The following ZNF551 variants were observed in gnomAD, a reference collection of about 807,000 sequenced individuals.
ZNF551 encodes KOX 23 protein (56 AA).
In ZNF551, 5 loss-of-function variants were observed where a neutral mutation model predicts 7.9. The ratio of observed to expected loss-of-function variants is 0.63; its 90% CI spans 0.33 to 1.33. ZNF551 has a LOEUF of 1.33. Among genes scored for constraint, ZNF551 ranks in the 40% most tolerant of loss-of-function variants. ZNF551 has a pLI of 0.05. For synonymous variants in ZNF551, 287 were observed against 277.3 expected (o/e 1.03, Z -0.35); for missense variants, 788 against 825.2 (o/e 0.95, Z 0.55).
In ZNF551 at chr19:57,689,230, A is replaced by G. The variant is rs1476056819; in HGVS notation, c.*942A>G. On this transcript the variant is annotated 3_prime_UTR_variant, in exon 3 of 3. Transcript: ENST00000282296. ...ATAATTCCTAGCACTGGTGAGGGGA[A>G]TCTGTTGCCCAGGTCCTGCAAAGGA... 2 of 152,200 alleles carry G rather than the reference A, an allele frequency of 1.3e-5. No individual in the cohort carries two copies. Among genetic ancestry groups the G allele is most frequent in the Non-Finnish European group, 2.9e-5 (2 of 68,050 alleles). The allele number at this position is 152,200 out of a possible 1,614,324, so 9.4% of individuals were successfully genotyped here.
chr19:57,686,430 C>T, intron 2 of ZNF551, 51 bp from the exon 3 acceptor site: 1 of 1,577,818 alleles, frequency 6.3e-7, no homozygotes, highest in Non-Finnish European at 8.6e-7. Flanking sequence ...ATACATCTTT[C>T]TCCTTCCATG....
chr19:57,683,183 G>C (rs1049796213), intron 1 of ZNF551, among the ~76,000 whole-genome samples: 6 of 152,186 alleles, frequency 3.9e-5, no homozygotes, highest in Admixed American at 1.3e-4. Flanking sequence ...GGATGAGGTG[G>C]GGAGACCTGG....
In ZNF551 at chr19:57,682,155, T is replaced by G. The variant is rs911658188; in HGVS notation, c.-9T>G. ...GCGCCAGGCCCGGGATAGGGACTGT[T>G]GTGTTCGAATGCCCGCCCCGGTCGG... is the stretch of plus-strand genomic sequence containing the variant. On this transcript the variant is annotated 5_prime_UTR_variant, in exon 1 of 3. Transcript: ENST00000282296. The G allele has an allele frequency of 1.0e-5, 16 of 1,547,776 alleles. No homozygotes were observed. The African/African-American group carries it at 2.1e-4, about 20-fold the overall frequency.
At position 57,690,174 on chromosome 19, in the gene ZNF551, A is replaced by G. The variant is rs1984717454; in HGVS notation, c.*1886A>G. The G allele has an allele frequency of 6.6e-6, 1 of 152,214 alleles. No homozygotes were observed. The highest frequency in any genetic ancestry group is 2.4e-5 in the African/African-American group (1 of 41,454). The allele number at this position is 152,214 out of a possible 1,614,324, so 9.4% of individuals were successfully genotyped here. A position where few individuals can be genotyped will look rare whatever the true frequency, so the allele number is the denominator to read the frequency against. On this transcript the variant is annotated 3_prime_UTR_variant, in exon 3 of 3. Transcript: ENST00000282296. The stretch of plus-strand genomic sequence containing the variant: ...CTAATTTGTATAACTGACATGCAAC[A>G]AAGTACACGTATCCAAAGTGTACAG...
At chr19:57,682,323 G>T (rs962679975) in intron 1 of ZNF551, 79 bp downstream of exon 1, 6 of 1,446,364 alleles carry the variant, frequency 4.1e-6, no homozygotes, top group Non-Finnish European at 5.6e-6. Flanking sequence ...CCTGCTCACA[G>T]CCCTGCAGCC....
chr19:57,686,325 A>G (rs1984551129), intron 2 of ZNF551, among the ~76,000 whole-genome samples, 156 bp from the exon 3 acceptor site: 1 of 152,180 alleles, frequency 6.6e-6, no homozygotes, highest in Admixed American at 6.5e-5. Context: ...AAATCTTAAA[A>G]AACCCAGTAC....
chr19:57,689,651 T>G lies in ZNF551; in HGVS notation c.*1363T>G, dbSNP rs969855863. On this transcript the variant is annotated 3_prime_UTR_variant, in exon 3 of 3. Coordinates refer to ENST00000282296, the MANE Select transcript of ZNF551 (RefSeq NM_138347.5). ...CCATGTCTACTAAAATACAAAAAATTAGCCAGGCGTGGCAGCATGCGCCTA... is the reference window on the plus strand; with the variant it reads ...CCATGTCTACTAAAATACAAAAAATGAGCCAGGCGTGGCAGCATGCGCCTA... 1 of 152,036 alleles carries G rather than the reference T, an allele frequency of 6.6e-6. No individual in the cohort carries two copies. Among genetic ancestry groups the G allele is most frequent in the Admixed American group, 6.6e-5 (1 of 15,250 alleles). The allele number at this position is 152,036 out of a possible 1,614,324, so 9.4% of individuals were successfully genotyped here. A position where few individuals can be genotyped will look rare whatever the true frequency, so the allele number is the denominator to read the frequency against.
intron 2 of ZNF551, 34 bp downstream of exon 2, chr19:57,685,419 T>C: frequency 1.2e-6 from 2 of 1,613,762 alleles, no homozygotes; most frequent in Non-Finnish European, 1.7e-6. Flanking sequence ...GTGTCTGCTT[T>C]TCTTTTTGAC....
At position 57,688,098 on chromosome 19, in the gene ZNF551, G is replaced by A; in HGVS notation, c.1823G>A (p.Gly608Asp). 6.2e-7 allele frequency: 1 copy of A among 1,609,918 alleles called. No individual in the cohort carries two copies. Residue 608 changes from glycine (G) to aspartate (D), a missense_variant, in exon 3 of 3, where the codon GGT becomes GAT. Coordinates refer to ENST00000282296, the MANE Select transcript of ZNF551 (RefSeq NM_138347.5). ...QSSSLIQHQR[G>D]HTGERPYECS... is the part of the protein sequence containing the mutation. ...TCTAGCCTCATTCAACACCAGAGAG[G>A]TCACACTGGAGAAAGACCTTATGAG... is the stretch of plus-strand genomic sequence containing the variant.
Position 57,688,192 on chromosome 19 carries a change from A to C in ZNF551, c.1917A>C (p.Gly639=). ...DLIQHQRVHT[G]ERPYECSECG... is the part of the protein sequence containing the mutation. ...TTCAGCACCAAAGAGTTCACACTGG[A>C]GAAAGGCCTTATGAATGCAGTGAAT... The change falls in exon 3 of 3, where the codon GGA becomes GGC. Residue 639 remains glycine, a synonymous_variant. Coordinates refer to ENST00000282296, the MANE Select transcript of ZNF551 (RefSeq NM_138347.5). 6.2e-7 allele frequency: 1 copy of C among 1,614,204 alleles called. No individual in the cohort carries two copies. The highest frequency in any genetic ancestry group is 8.5e-7 in the Non-Finnish European group (1 of 1,180,030).
chr19:57,682,363 C>T (rs982101393), intron 1 of ZNF551, 119 bp downstream of exon 1: 3 of 1,117,420 alleles, frequency 2.7e-6, no homozygotes, highest in Non-Finnish European at 3.7e-6. Flanking sequence ...CAAGAAGGCG[C>T]TTGTGGATTG....
intron 1 of ZNF551, among the ~76,000 whole-genome samples, chr19:57,684,836 A>G (rs1984502559): frequency 6.6e-6 from 1 of 152,048 alleles, no homozygotes; most frequent in Admixed American, 6.5e-5. Flanking sequence ...ATGAGAAGAG[A>G]GAGAATAAAC....
In ZNF551 at chr19:57,682,252, G is replaced by A; in HGVS notation, c.81+8G>A. 6.5e-7 allele frequency: 1 copy of A among 1,549,766 alleles called. No homozygotes were observed. Among genetic ancestry groups the A allele is most frequent in the Non-Finnish European group, 8.7e-7 (1 of 1,146,410 alleles). On this transcript the variant is annotated splice_region_variant and intron_variant, in intron 1 of 2. Transcript: ENST00000282296. ...CTGAGGGACTCGGCTCAGGTGAGTT[G>A]TGCGTCCTCCGGGTCTCGCCTACCT...
rs988888575 is a variant in ZNF551, at chr19:57,687,578, A to G, written c.1303A>G (p.Ile435Val). 6.2e-7 allele frequency: 1 copy of G among 1,614,122 alleles called. No individual in the cohort carries two copies. Among genetic ancestry groups the G allele is most frequent in the Non-Finnish European group, 8.5e-7 (1 of 1,180,044 alleles). ...ATCTTTTAGCTGCAAATCGGAACTC[A>G]TTCAACACCAGAGAATTCACAGTGG... ...GKSFSCKSEL[I>V]QHQRIHSGER... is the part of the protein sequence containing the mutation. The change falls in exon 3 of 3, where the codon ATT becomes GTT. Residue 435 changes from isoleucine to valine, a missense_variant. Physicochemically the swap from Ile to Val is conservative, Grantham distance 29 (BLOSUM62 3). Transcript: ENST00000282296.
intron 1 of ZNF551, among the ~76,000 whole-genome samples, chr19:57,684,998 C>A (rs1019101831): frequency 4.6e-5 from 7 of 152,164 alleles, no homozygotes; most frequent in Non-Finnish European, 1.0e-4. Context: ...AGTTCTCTCT[C>A]TAGCTGGTGT....
In ZNF551 at chr19:57,682,106, C is replaced by T; in HGVS notation, c.-58C>T. On this transcript the variant is annotated 5_prime_UTR_variant, in exon 1 of 3. Transcript: ENST00000282296. Reference sequence around the variant, plus strand: ...AAGTCGCGAAAGTGGGCCAGAGGTTCTGCGACACCACCTCGGGTGAGCTGC... The same window carrying T: ...AAGTCGCGAAAGTGGGCCAGAGGTTTTGCGACACCACCTCGGGTGAGCTGC... 1 of 1,513,038 alleles carries T rather than the reference C, an allele frequency of 6.6e-7. No individual in the cohort carries two copies. The highest frequency in any genetic ancestry group is 8.9e-7 in the Non-Finnish European group (1 of 1,124,458). The allele number at this position is 1,513,038 out of a possible 1,614,324, so 93.7% of individuals were successfully genotyped here.
Position 57,686,920 on chromosome 19 carries a change from AT to A in ZNF551, c.650del (p.Phe217SerfsTer78). ...GTAGCAGCAGCAAGCATATACAGGC[AT>A]TTTTCAATGCAAAAAGTTATTACAA... ...HSSSSKHIQAFFNAKSYYKWG... is the reference protein window; with the variant it reads ...HSSSSKHIQAXFNAKSYYKWG... On this transcript the variant is annotated frameshift_variant, in exon 3 of 3. Transcript: ENST00000282296. LOFTEE classifies it low-confidence loss of function (END_TRUNC). The A allele has an allele frequency of 1.2e-6, 2 of 1,614,172 alleles. No individual in the cohort carries two copies. Among genetic ancestry groups the A allele is most frequent in the Non-Finnish European group, 1.7e-6 (2 of 1,180,038 alleles).
intron 1 of ZNF551, 134 bp from the exon 2 acceptor site, chr19:57,685,128 G>A (rs772275591): frequency 1.6e-5 from 18 of 1,130,496 alleles, no homozygotes; most frequent in Non-Finnish European, 1.9e-5. Flanking sequence ...TGGGGAGAGG[G>A]TAGGCATCGG....
chr19:57,685,502 C>A, intron 2 of ZNF551, 117 bp downstream of exon 2: 1 of 1,497,952 alleles, frequency 6.7e-7, no homozygotes, highest in Non-Finnish European at 9.3e-7. Context: ...TTCCCCCTGT[C>A]AGGATGACTG....
Sources: allele counts gnomAD v4.1 joint callset (sites outside exome capture counted in the v4.1 genomes callset), GRCh38; gene constraint gnomAD v4.1.1; transcripts MANE v1.5; gene names NCBI Gene and HGNC (gene_info 2026-07-23, HGNC 2026-07-21).